CSMD1: variants seen among roughly 807,000 people sequenced by gnomAD.
The protein encoded by CSMD1 is CUB and sushi domain-containing protein 1.
Under a neutral mutation model 417.5 loss-of-function variants are expected in CSMD1, and 213 were observed. That is an observed-to-expected ratio of 0.51 (90% CI 0.46 to 0.57). The LOEUF (loss-of-function observed/expected upper bound fraction) is 0.57. Ranked by LOEUF, CSMD1 falls within the 20% of genes least tolerant of loss-of-function variation. The probability of loss-of-function intolerance (pLI) is 0.00; values close to 1 mark genes in which losing one functional copy is unlikely to be tolerated. For synonymous variants in CSMD1, 2,862 were observed against 1,736.8 expected, an observed-to-expected ratio of 1.65 and a Z score of -16.11; for missense variants, 6,923 against 4,529.7, an observed-to-expected ratio of 1.53 and a Z score of -15.17.
At chr8:4,212,700 C>A (rs12156156) in intron 3 of CSMD1, among the ~76,000 whole-genome samples, 15,251 of 148,638 alleles carry the variant, frequency 0.1, 867 homozygotes, top group African/African-American at 0.15. Flanking sequence ...TATATGTAAC[C>A]ACATACATGA....
At chr8:4,594,102 T>C (rs1325361759) in intron 2 of CSMD1, among the ~76,000 whole-genome samples, 1 of 151,960 alleles carries the variant, frequency 6.6e-6, no homozygotes, top group African/African-American at 2.4e-5. Context: ...TCTGTCTATG[T>C]GTCAAGTTTC....
chr8:3,726,028 C>T (rs147281056), intron 6 of CSMD1, among the ~76,000 whole-genome samples: 18 of 152,256 alleles, frequency 1.2e-4, no homozygotes, highest in East Asian at 3.9e-4. Context: ...GGCTCTTTCT[C>T]TCTTGAAGAA....
At chr8:3,801,478 C>A (rs936666177) in intron 5 of CSMD1, among the ~76,000 whole-genome samples, 2 of 152,100 alleles carry the variant, frequency 1.3e-5, no homozygotes, top group South Asian at 2.1e-4. Context: ...ATAATAGGCA[C>A]TGGCAAGGAT....
intron 3 of CSMD1, among the ~76,000 whole-genome samples, chr8:4,395,476 A>G (rs1402067220): frequency 6.6e-6 from 1 of 151,946 alleles, no homozygotes; most frequent in African/African-American, 2.4e-5. Context: ...TACTGTTTCG[A>G]TGAAGAATAC....
intron 1 of CSMD1, among the ~76,000 whole-genome samples, chr8:4,868,556 A>T (rs909652900): frequency 6.6e-6 from 1 of 152,114 alleles, no homozygotes; most frequent in South Asian, 2.1e-4. Flanking sequence ...CATTATTGTT[A>T]CCGTTATTAT....
In CSMD1 at chr8:3,954,988, A is replaced by G. The variant is rs145816898; in HGVS notation, c.818+42915T>C. 2.5e-3 allele frequency among the ~76,000 whole-genome samples: 379 copies of G among 152,338 alleles called. 1 individual carries two copies. The highest frequency in any genetic ancestry group is 8.7e-3 in the African/African-American group (363 of 41,586). On this transcript the variant is annotated intron_variant, in intron 5 of 69. Coordinates refer to ENST00000635120, the MANE Select transcript of CSMD1 (RefSeq NM_033225.6). ...GCATTCAGTTAACATTTTGATGTTA[A>G]TAAGTGTGGACCATCAGGAAATGGC...
rs974936448 is a variant in CSMD1, at chr8:3,612,915, A to G, written c.1097+3795T>C. Among the ~76,000 whole-genome samples, 8 of 152,092 alleles carry G rather than the reference A, an allele frequency of 5.3e-5. 1 individual carries two copies. The South Asian group carries it at 1.2e-3, about 24-fold the overall frequency. On this transcript the variant is annotated intron_variant, in intron 8 of 69. Coordinates refer to ENST00000635120, the MANE Select transcript of CSMD1 (RefSeq NM_033225.6). ...AGCCCATAGTAAACAGAGGAAATAA[A>G]TTAATAAGAGGTCAGAGCAGAAATC...
intron 12 of CSMD1, among the ~76,000 whole-genome samples, chr8:3,460,715 G>A (rs1034359786): frequency 3.9e-5 from 6 of 152,146 alleles, no homozygotes; most frequent in Non-Finnish European, 8.8e-5. Flanking sequence ...TCGCTAAGAA[G>A]AAATAACACA....
intron 1 of CSMD1, among the ~76,000 whole-genome samples, chr8:4,947,162 A>G (rs145200066): frequency 4.6e-5 from 7 of 152,322 alleles, no homozygotes; most frequent in African/African-American, 1.7e-4. Flanking sequence ...TTCACAACAA[A>G]ATAAAACAGA....
intron 26 of CSMD1, among the ~76,000 whole-genome samples, chr8:3,240,177 G>A (rs527668139): frequency 1.1e-4 from 17 of 152,234 alleles, no homozygotes; most frequent in Middle Eastern, 3.4e-3. Flanking sequence ...CGGTTCTTGT[G>A]TAAGAATTCT....
At chr8:3,953,919 A>G (rs1258657060) in intron 5 of CSMD1, among the ~76,000 whole-genome samples, 1 of 152,290 alleles carries the variant, frequency 6.6e-6, no homozygotes, top group Non-Finnish European at 1.5e-5. Flanking sequence ...ACTGTCTGGA[A>G]CGGCCCTGGC....
chr8:3,894,239 G>A (rs573066375), intron 5 of CSMD1, among the ~76,000 whole-genome samples: 2 of 152,102 alleles, frequency 1.3e-5, no homozygotes, highest in African/African-American at 2.4e-5. Flanking sequence ...CACAACAGCT[G>A]TCAACATCTG....
intron 5 of CSMD1, among the ~76,000 whole-genome samples, chr8:3,972,927 G>A (rs778240934): frequency 1.3e-5 from 2 of 152,032 alleles, no homozygotes; most frequent in Non-Finnish European, 1.5e-5. Context: ...GGGCAAAGTA[G>A]GAAATGAAGG....
In CSMD1 at chr8:4,482,911, T is replaced by C. The variant is rs147268293; in HGVS notation, c.303-62846A>G. On this transcript the variant is annotated intron_variant, in intron 2 of 69. Coordinates refer to ENST00000635120, the MANE Select transcript of CSMD1 (RefSeq NM_033225.6). ...GGGCATGTATGTAAAATTTTCCAAA[T>C]ATATTAATTTTTAGTAAGTATGGGA... 3.7e-3 allele frequency among the ~76,000 whole-genome samples: 570 copies of C among 152,328 alleles called. 2 individuals carry two copies. Among genetic ancestry groups the C allele is most frequent in the African/African-American group, 0.013 (552 of 41,572 alleles).
At chr8:4,153,738 G>C (rs1301158045) in intron 3 of CSMD1, among the ~76,000 whole-genome samples, 1 of 152,212 alleles carries the variant, frequency 6.6e-6, no homozygotes, top group Admixed American at 6.5e-5. Flanking sequence ...AGTGGGCACG[G>C]TTTCAGTGTG....
intron 3 of CSMD1, among the ~76,000 whole-genome samples, chr8:4,184,518 A>G (rs927996394): frequency 1.3e-5 from 2 of 152,206 alleles, no homozygotes; most frequent in Non-Finnish European, 2.9e-5. Context: ...ACACCATGGA[A>G]TACTATGCAG....
intron 6 of CSMD1, among the ~76,000 whole-genome samples, chr8:3,711,746 T>C (rs1801520400): frequency 6.6e-6 from 1 of 152,174 alleles, no homozygotes; most frequent in Admixed American, 6.5e-5. Context: ...GGCAAACGTA[T>C]CACCCCCACT....
At position 3,719,206 on chromosome 8, in the gene CSMD1, G is replaced by C. The variant is rs542735616; in HGVS notation, c.932-10715C>G. ...CTATAATTTCCCAAATTTCCTACTG[G>C]GATTATCAAAAGCCTTCCAAGGTGT... On this transcript the variant is annotated intron_variant, in intron 6 of 69. Coordinates refer to ENST00000635120, the MANE Select transcript of CSMD1 (RefSeq NM_033225.6). Among the ~76,000 whole-genome samples the C allele has an allele frequency of 2.6e-5, 4 of 151,968 alleles. No homozygotes were observed. In the South Asian group the frequency reaches 6.2e-4, roughly 24 times the overall value.
At chr8:3,554,525 A>G (rs1799058617) in intron 10 of CSMD1, among the ~76,000 whole-genome samples, 3 of 152,148 alleles carry the variant, frequency 2.0e-5, no homozygotes, top group Non-Finnish European at 2.9e-5. Flanking sequence ...TGGAATTGAG[A>G]TAATTGGTAC....
Sources: allele counts gnomAD v4.1 joint callset (sites outside exome capture counted in the v4.1 genomes callset), GRCh38; gene constraint gnomAD v4.1.1; transcripts MANE v1.5; gene names NCBI Gene and HGNC (gene_info 2026-07-23, HGNC 2026-07-21).